The following C8A variants were observed in gnomAD, a reference collection of about 807,000 sequenced individuals.
C8A encodes the protein complement C8 alpha chain.
Under a neutral mutation model 65.3 loss-of-function variants are expected in C8A, and 67 were observed. The ratio of observed to expected loss-of-function variants is 1.03; its 90% CI spans 0.84 to 1.26. C8A has a LOEUF of 1.26. C8A is among the 50% of genes most tolerant of loss of function. The probability of loss-of-function intolerance (pLI) is 0.00; values close to 1 mark genes in which losing one functional copy is unlikely to be tolerated. For missense variants in C8A, 781 were observed against 723.9 expected (o/e 1.08, Z -0.90); for synonymous variants, 290 against 259.4 (o/e 1.12, Z -1.13).
At position 56,876,228 on chromosome 1, in the gene C8A, G is replaced by T. The variant is rs747665165; in HGVS notation, c.464+19G>T. Reference sequence around the variant, plus strand: ...CCTTGGGGTGAGGCCCTGCCTACTAGCTATTTAGGAGCAGGGAATGATTTG... The same window carrying T: ...CCTTGGGGTGAGGCCCTGCCTACTATCTATTTAGGAGCAGGGAATGATTTG... On this transcript the variant is annotated intron_variant, in intron 4 of 10. Transcript: ENST00000361249. The T allele has an allele frequency of 1.9e-6, 3 of 1,613,412 alleles. No individual in the cohort carries two copies. Among genetic ancestry groups the T allele is most frequent in the African/African-American group, 1.3e-5 (1 of 75,006 alleles).
At chr1:56,909,854 G>T (rs1644492600) in intron 9 of C8A, among the ~76,000 whole-genome samples, 2 of 152,166 alleles carry the variant, frequency 1.3e-5, no homozygotes, top group Non-Finnish European at 2.9e-5. Context: ...GAAGAAACAG[G>T]TTCAGCACAA....
intron 1 of C8A, among the ~76,000 whole-genome samples, chr1:56,858,638 C>T (rs1182912313): frequency 1.3e-5 from 2 of 152,156 alleles, no homozygotes; most frequent in African/African-American, 4.8e-5. Flanking sequence ...TGGGCCAAGG[C>T]CATGTGAATA....
intron 10 of C8A, among the ~76,000 whole-genome samples, chr1:56,915,943 A>G (rs1206663787): frequency 6.6e-6 from 1 of 152,220 alleles, no homozygotes; most frequent in Non-Finnish European, 1.5e-5. Context: ...GGCCTGGCTT[A>G]AAGGAACAGA....
At chr1:56,859,358 TTCC>T in intron 1 of C8A, among the ~76,000 whole-genome samples, 1 of 152,250 alleles carries the variant, frequency 6.6e-6, no homozygotes, top group South Asian at 2.1e-4. Flanking sequence ...AATCTCTGTC[TTCC>T]AGAGCTTGCA....
At chr1:56,871,209 C>A (rs1470885880) in intron 2 of C8A, among the ~76,000 whole-genome samples, 3 of 152,194 alleles carry the variant, frequency 2.0e-5, no homozygotes, top group Non-Finnish European at 4.4e-5. Context: ...TTGACTTTCA[C>A]AGCCAACTGT....
chr1:56,861,331 A>G (rs1287350185), intron 1 of C8A, among the ~76,000 whole-genome samples: 1 of 152,208 alleles, frequency 6.6e-6, no homozygotes, highest in Admixed American at 6.5e-5. Flanking sequence ...TGCTGCTTCA[A>G]AACATGGCAG....
chr1:56,859,888 T>G (rs973878495), intron 1 of C8A, among the ~76,000 whole-genome samples: 14 of 152,080 alleles, frequency 9.2e-5, no homozygotes, highest in African/African-American at 3.4e-4. Context: ...ATGGTGAAAC[T>G]CTGTCTCTAC....
At chr1:56,865,365 A>G (rs1248928810) in intron 1 of C8A, among the ~76,000 whole-genome samples, 2 of 152,196 alleles carry the variant, frequency 1.3e-5, no homozygotes, top group African/African-American at 2.4e-5. Flanking sequence ...GTGAGGGCCT[A>G]CTTCTTCGGT....
intron 7 of C8A, among the ~76,000 whole-genome samples, chr1:56,903,104 A>C (rs541224359): frequency 6.6e-6 from 1 of 152,218 alleles, no homozygotes; most frequent in East Asian, 1.9e-4. Context: ...GTAGGGTAGG[A>C]TGTTAAAGTT....
chr1:56,890,541 T>A (rs1196026305), intron 7 of C8A, among the ~76,000 whole-genome samples: 1 of 152,174 alleles, frequency 6.6e-6, no homozygotes, highest in Admixed American at 6.5e-5. Flanking sequence ...ATGCATCACC[T>A]GTTCTCCCTC....
intron 4 of C8A, among the ~76,000 whole-genome samples, chr1:56,879,986 G>A (rs1052255599): frequency 4.6e-5 from 7 of 152,132 alleles, no homozygotes; most frequent in African/African-American, 1.7e-4. Context: ...GGAACACAGA[G>A]GAGGAAACAG....
chr1:56,861,706 G>A (rs1644034981), intron 1 of C8A, among the ~76,000 whole-genome samples: 1 of 152,218 alleles, frequency 6.6e-6, no homozygotes, highest in Non-Finnish European at 1.5e-5. Context: ...GGTTGCTGAA[G>A]ACTGAGCACT....
chr1:56,912,680 G>C lies in C8A; in HGVS notation c.1603+55G>C, dbSNP rs1644519170. ...AGCCTGTCCCAGCTCAAAGGGGCCA[G>C]TGCAAAAAGGACTTTTGGGGTTCCC... is the stretch of plus-strand genomic sequence containing the variant. On this transcript the variant is annotated intron_variant, in intron 10 of 10. Coordinates refer to ENST00000361249, the MANE Select transcript of C8A (RefSeq NM_000562.3). The C allele has an allele frequency of 2.0e-6, 3 of 1,537,804 alleles. No homozygotes were observed. In the East Asian group the frequency reaches 6.8e-5, roughly 35 times the overall value.
chr1:56,870,849 A>T (rs1025850695), intron 2 of C8A, among the ~76,000 whole-genome samples: 1 of 152,200 alleles, frequency 6.6e-6, no homozygotes, highest in East Asian at 1.9e-4. Flanking sequence ...AGTTTTTTTT[A>T]TTAATATGTT....
intron 10 of C8A, among the ~76,000 whole-genome samples, chr1:56,916,201 C>T (rs1221929513): frequency 6.6e-6 from 1 of 152,202 alleles, no homozygotes; most frequent in Non-Finnish European, 1.5e-5. Flanking sequence ...AGACAGAGGG[C>T]TGCTCCCAAG....
intron 2 of C8A, among the ~76,000 whole-genome samples, chr1:56,873,476 C>T (rs1229001394): frequency 6.6e-6 from 1 of 152,164 alleles, no homozygotes; most frequent in Non-Finnish European, 1.5e-5. Context: ...GTCTAATCCT[C>T]ATGTCCATGC....
chr1:56,865,738 A>G (rs1017979338), intron 1 of C8A, among the ~76,000 whole-genome samples: 2 of 152,212 alleles, frequency 1.3e-5, no homozygotes, highest in African/African-American at 2.4e-5. Context: ...GTTACTAATG[A>G]CAAGATTTGA....
chr1:56,863,689 C>A (rs976796952), intron 1 of C8A, among the ~76,000 whole-genome samples: 4 of 152,126 alleles, frequency 2.6e-5, no homozygotes. Flanking sequence ...TAGAAAAATA[C>A]GTGTGTAACC....
At position 56,912,648 on chromosome 1, in the gene C8A, C is replaced by G. The variant is rs560454031; in HGVS notation, c.1603+23C>G. ...AAGGTAAGGTCCGTGCATCCCCACC[C>G]AGTTCCAGCCTGTCCCAGCTCAAAG... On this transcript the variant is annotated intron_variant, in intron 10 of 10. Coordinates refer to ENST00000361249, the MANE Select transcript of C8A (RefSeq NM_000562.3). 3 of 1,606,330 alleles carry G rather than the reference C, an allele frequency of 1.9e-6. No homozygotes were observed. In the African/African-American group the frequency reaches 4.0e-5, roughly 21 times the overall value.
Sources: gnomAD v4.1 joint callset for allele counts (sites outside exome capture counted in the v4.1 genomes callset) on GRCh38, gnomAD v4.1.1 for gene constraint, MANE v1.5 for transcripts, NCBI Gene and HGNC (gene_info 2026-07-23, HGNC 2026-07-21) for gene names.